Variants in CRPPA observed in about 807,000 individuals in gnomAD.
The protein encoded by CRPPA is D-ribitol-5-phosphate cytidylyltransferase.
A neutral mutation model predicts 52.0 loss-of-function variants in CRPPA; 43 were observed. The observed-to-expected ratio is 0.83, with a 90% CI of 0.65 to 1.07. The LOEUF (loss-of-function observed/expected upper bound fraction) is 1.07, where lower values mean the gene tolerates loss of function less well. Among genes scored for constraint, CRPPA ranks in the 50% least tolerant of loss-of-function variants. CRPPA has a pLI of 0.00. For missense variants in CRPPA, 629 were observed against 551.7 expected, an observed-to-expected ratio of 1.14 and a Z score of -1.40; for synonymous variants, 250 against 203.5, an observed-to-expected ratio of 1.23 and a Z score of -1.94.
chr7:16,240,552 C>T (rs750576566), intron 8 of CRPPA, among the ~76,000 whole-genome samples: 2 of 147,494 alleles, frequency 1.4e-5, no homozygotes, highest in African/African-American at 2.5e-5. Context: ...CTCTTAAAGT[C>T]AATCATTGGT....
chr7:16,340,216 T>C (rs1785786729), intron 3 of CRPPA, among the ~76,000 whole-genome samples: 1 of 151,930 alleles, frequency 6.6e-6, no homozygotes, highest in African/African-American at 2.4e-5. Context: ...GGTAAAACCC[T>C]AAAGGAATGA....
intron 8 of CRPPA, among the ~76,000 whole-genome samples, chr7:16,229,784 G>T (rs1609082): frequency 0.72 from 108,630 of 151,836 alleles, 39,077 homozygotes; most frequent in Admixed American, 0.81. Context: ...TTTTTTGGCT[G>T]AAAGGATTCC....
rs1229612297 is a variant in CRPPA at position 16,258,812 on chromosome 7, G to A, written c.1026+108C>T. The A allele has an allele frequency of 2.4e-5, 15 of 626,286 alleles. No homozygotes were observed. In the East Asian group the frequency reaches 3.9e-4, roughly 16 times the overall value. The allele number at this position is 626,286 out of a possible 1,614,324, so 38.8% of individuals were successfully genotyped here. A position where few individuals can be genotyped will look rare whatever the true frequency, so the allele number is the denominator to read the frequency against. On this transcript the variant is annotated intron_variant, in intron 7 of 9. Transcript: ENST00000407010. ...TCAAAGATAAAATCTCCAAAAATGT[G>A]TAGAAGAACTCATCATAATATCATA...
chr7:16,239,325 A>C (rs1783041310), intron 8 of CRPPA, among the ~76,000 whole-genome samples: 1 of 151,916 alleles, frequency 6.6e-6, no homozygotes, highest in African/African-American at 2.4e-5. Context: ...TACCATGCTC[A>C]TTTTACAAGT....
At chr7:16,112,450 A>C (rs778483491) in intron 9 of CRPPA, among the ~76,000 whole-genome samples, 9 of 152,194 alleles carry the variant, frequency 5.9e-5, no homozygotes, top group Non-Finnish European at 1.3e-4. Context: ...AAAGAACAGC[A>C]AAAAAGAAGT....
chr7:16,376,045 G>A (rs1428858528), intron 3 of CRPPA, 47 bp downstream of exon 3: 1 of 1,529,728 alleles, frequency 6.5e-7, no homozygotes, highest in African/African-American at 1.4e-5. Context: ...AGGTTGTTTG[G>A]GGAACCTGAC....
intron 9 of CRPPA, among the ~76,000 whole-genome samples, chr7:16,131,470 A>C (rs1782679979): frequency 6.6e-6 from 1 of 152,238 alleles, no homozygotes; most frequent in African/African-American, 2.4e-5. Flanking sequence ...CCCCAGGTAC[A>C]GCTCCAGTGG....
intron 8 of CRPPA, among the ~76,000 whole-genome samples, chr7:16,223,868 C>T (rs1782582485): frequency 1.3e-5 from 2 of 150,888 alleles, no homozygotes; most frequent in Non-Finnish European, 3.0e-5. Flanking sequence ...CTTATAGATA[C>T]ACATCAAGTA....
intron 3 of CRPPA, among the ~76,000 whole-genome samples, chr7:16,342,500 T>C (rs1433740735): frequency 2.6e-5 from 4 of 151,980 alleles, no homozygotes; most frequent in Non-Finnish European, 5.9e-5. Flanking sequence ...TATTTAGTAC[T>C]GAAATATAAT....
chr7:16,097,442 T>C (rs567761104), intron 9 of CRPPA, among the ~76,000 whole-genome samples: 197 of 152,298 alleles, frequency 1.3e-3, no homozygotes, highest in Middle Eastern at 6.8e-3. Flanking sequence ...GAAACTTATA[T>C]TTAGCTATTT....
chr7:16,314,952 G>T (rs186728866), intron 3 of CRPPA, among the ~76,000 whole-genome samples: 64 of 152,174 alleles, frequency 4.2e-4, no homozygotes, highest in Admixed American at 7.2e-4. Flanking sequence ...TCCAGTCATT[G>T]TTACTTCAAA....
chr7:16,122,852 G>A (rs918695419), intron 9 of CRPPA, among the ~76,000 whole-genome samples: 1 of 152,012 alleles, frequency 6.6e-6, no homozygotes, highest in East Asian at 1.9e-4. Flanking sequence ...AAAGCAGGAA[G>A]AATATACTAA....
intron 3 of CRPPA, among the ~76,000 whole-genome samples, chr7:16,353,073 T>C (rs192515101): frequency 6.6e-6 from 1 of 152,252 alleles, no homozygotes; most frequent in East Asian, 1.9e-4. Flanking sequence ...CTTAAACAGT[T>C]GGCCAGGCGT....
At chr7:16,124,622 G>A (rs1440329806) in intron 9 of CRPPA, among the ~76,000 whole-genome samples, 2 of 152,006 alleles carry the variant, frequency 1.3e-5, no homozygotes, top group Non-Finnish European at 2.9e-5. Context: ...CTAGACAGAG[G>A]GAATGAGTTC....
chr7:16,131,987 C>T (rs893200469), intron 9 of CRPPA, among the ~76,000 whole-genome samples: 1 of 152,138 alleles, frequency 6.6e-6, no homozygotes, highest in Non-Finnish European at 1.5e-5. Context: ...CAGTGAACCA[C>T]TATAGGGGAA....
chr7:16,415,035 C>G (rs192643443), intron 1 of CRPPA, among the ~76,000 whole-genome samples: 3 of 152,152 alleles, frequency 2.0e-5, no homozygotes, highest in African/African-American at 7.2e-5. Flanking sequence ...AAATACTTAG[C>G]TTGTAAATCT....
intron 5 of CRPPA, among the ~76,000 whole-genome samples, chr7:16,280,954 A>AG (rs1158645432): frequency 1.3e-5 from 2 of 152,150 alleles, no homozygotes; most frequent in African/African-American, 2.4e-5. Flanking sequence ...CGGGAGGCAG[A>AG]GGTTGCACTG....
At chr7:16,331,697 A>G (rs1785556124) in intron 3 of CRPPA, among the ~76,000 whole-genome samples, 3 of 152,162 alleles carry the variant, frequency 2.0e-5, no homozygotes, top group Admixed American at 6.5e-5. Context: ...CAAAAACACT[A>G]ATAGAAATGA....
At chr7:16,357,602 G>T (rs538498037) in intron 3 of CRPPA, among the ~76,000 whole-genome samples, 29 of 152,150 alleles carry the variant, frequency 1.9e-4, no homozygotes, top group Non-Finnish European at 3.2e-4. Flanking sequence ...AGGACAAAAA[G>T]ATAGTAGCTG....
Sources: gnomAD v4.1 joint callset for allele counts (sites outside exome capture counted in the v4.1 genomes callset) on GRCh38, gnomAD v4.1.1 for gene constraint, MANE v1.5 for transcripts, NCBI Gene and HGNC (gene_info 2026-07-23, HGNC 2026-07-21) for gene names.